CDK1: variants seen among roughly 807,000 people sequenced by gnomAD.
CDK1 encodes the protein cyclin-dependent kinase 1.
In CDK1, 5 loss-of-function variants were observed where a neutral mutation model predicts 34.6. That is an observed-to-expected ratio of 0.14 (90% CI 0.08 to 0.30). The LOEUF is 0.30. CDK1 is among the 10% of genes least tolerant of loss of function. The pLI is 1.00. For missense variants in CDK1, 157 were observed against 345.7 expected (o/e 0.45, Z 4.33); for synonymous variants, 108 against 114.7 (o/e 0.94, Z 0.37).
rs1039610359 is a variant in CDK1, at chr10:60,781,030, G to A, written c.37+828G>A. 4.0e-5 allele frequency among the ~76,000 whole-genome samples: 6 copies of A among 150,554 alleles called. No homozygotes were observed. In the East Asian group the frequency reaches 1.2e-3, roughly 29 times the overall value. On this transcript the variant is annotated intron_variant, in intron 2 of 7. Coordinates refer to ENST00000395284, the MANE Select transcript of CDK1 (RefSeq NM_001786.5). The stretch of plus-strand genomic sequence containing the variant: ...AAGTTAGTGTGGTGTTCGATTGGAG[G>A]TGTGTGTGTGTATACATATATATAT...
intron 3 of CDK1, 31 bp from the exon 4 acceptor site, chr10:60,785,633 G>T (rs778987482): frequency 7.1e-7 from 1 of 1,404,322 alleles, no homozygotes; most frequent in South Asian, 1.3e-5. Context: ...ATGTTTGCTG[G>T]ATTCTTCTCT....
At chr10:60,784,653 G>T in intron 2 of CDK1, 52 bp from the exon 3 acceptor site, 1 of 1,432,288 alleles carries the variant, frequency 7.0e-7, no homozygotes, top group Non-Finnish European at 9.6e-7. Flanking sequence ...AAGAAAAAAA[G>T]ATCTTTAGTT....
chr10:60,793,027 T>A (rs979617689), intron 7 of CDK1, among the ~76,000 whole-genome samples: 1 of 152,076 alleles, frequency 6.6e-6, no homozygotes, highest in African/African-American at 2.4e-5. Context: ...GCCAAATGTC[T>A]CCTGATGGGC....
chr10:60,792,148 A>C lies in CDK1; in HGVS notation c.654A>C (p.Arg218Ser). The C allele has an allele frequency of 6.2e-7, 1 of 1,602,538 alleles. No individual in the cohort carries two copies. The highest frequency in any genetic ancestry group is 8.5e-7 in the Non-Finnish European group (1 of 1,176,326). ...SEIDQLFRIF[R>S]ALGTPNNEVW... is the part of the protein sequence containing the mutation. ...AAATTTTTAATTTCCTGTTTTTTAGAGCTTTGGGCACTCCCAATAATGAAG... is the reference window on the plus strand; with the variant it reads ...AAATTTTTAATTTCCTGTTTTTTAGCGCTTTGGGCACTCCCAATAATGAAG... Residue 218 changes from arginine (R) to serine (S), a missense_variant and splice_region_variant, in exon 7 of 8, where the codon AGA becomes AGC. Arg to Ser is a moderately radical substitution (Grantham distance 110). This residue lies in a region of CDK1 where 102 missense variants were observed against 233.6 expected (regional missense o/e 0.44). Coordinates refer to ENST00000395284, the MANE Select transcript of CDK1 (RefSeq NM_001786.5).
In CDK1 at chr10:60,792,238, C is replaced by T. The variant is rs1441407553; in HGVS notation, c.744C>T (p.Ser248=). 2.0e-5 allele frequency: 32 copies of T among 1,612,414 alleles called. No individual in the cohort carries two copies. The highest frequency in any genetic ancestry group is 2.5e-5 in the Non-Finnish European group (30 of 1,179,338). ...CATTTCCCAAATGGAAACCAGGAAGCCTAGCATCCCATGTCAAAAACTTGG... is the reference window on the plus strand; with the variant it reads ...CATTTCCCAAATGGAAACCAGGAAGTCTAGCATCCCATGTCAAAAACTTGG... ...KNTFPKWKPG[S]LASHVKNLDE... The change falls in exon 7 of 8, where the codon AGC becomes AGT. Residue 248 remains serine, a synonymous_variant. Transcript: ENST00000395284.
At chr10:60,787,962 A>C (rs932412226) in intron 4 of CDK1, 98 bp from the exon 5 acceptor site, 4 of 655,014 alleles carry the variant, frequency 6.1e-6, no homozygotes, top group African/African-American at 1.8e-5. Context: ...CTAGTAATTA[A>C]ATTATTTCTC....
At chr10:60,793,168 CATT>C in intron 7 of CDK1, among the ~76,000 whole-genome samples, 1 of 152,158 alleles carries the variant, frequency 6.6e-6, no homozygotes, top group South Asian at 2.1e-4. Context: ...TGTAAAATGA[CATT>C]AATACCTACT....
intron 4 of CDK1, chr10:60,786,429 G>C (rs1419885013): frequency 2.9e-6 from 2 of 695,144 alleles, no homozygotes; most frequent in Non-Finnish European, 3.5e-6. Flanking sequence ...ATCTACCTAT[G>C]TCTATTTACA....
chr10:60,785,647 A>G lies in CDK1; in HGVS notation c.195-17A>G, dbSNP rs758106128. On this transcript the variant is annotated splice_polypyrimidine_tract_variant and intron_variant, in intron 3 of 7. Transcript: ENST00000395284. ...AATGTTTGCTGGATTCTTCTCTCAT[A>G]TATTTTTTTTCCCCAGTCTTCAGGA... 44 of 1,514,184 alleles carry G rather than the reference A, an allele frequency of 2.9e-5. 1 individual carries two copies. Among genetic ancestry groups the G allele is most frequent in the Admixed American group, 1.6e-4 (9 of 55,344 alleles). 93.8% of individuals were successfully genotyped at this position (1,514,184 alleles called of 1,614,324 possible).
chr10:60,778,640 CG>C (rs1366315419), intron 1 of CDK1, 70 bp downstream of exon 1: 1 of 152,450 alleles, frequency 6.6e-6, no homozygotes, highest in Non-Finnish European at 1.5e-5. Context: ...TATTGAGGAA[CG>C]GGGTCCTCTA....
intron 7 of CDK1, 41 bp downstream of exon 7, chr10:60,792,330 A>G: frequency 6.5e-7 from 1 of 1,531,566 alleles, no homozygotes; most frequent in East Asian, 2.2e-5. Flanking sequence ...ATTATTGATG[A>G]TTCTGAATAT....
intron 5 of CDK1, among the ~76,000 whole-genome samples, chr10:60,790,681 C>A (rs2080353672): frequency 6.6e-6 from 1 of 152,046 alleles, no homozygotes; most frequent in Non-Finnish European, 1.5e-5. Context: ...CTTATTTAAT[C>A]CATTTTGAGT....
Position 60,784,780 on chromosome 10 carries a change from A to C in CDK1, c.113A>C (p.Glu38Ala). ...GTAGCCATGAAAAAAATCAGACTAGAAAGTGAAGAGGAAGGGGTTCCTAGT... is the reference window on the plus strand; with the variant it reads ...GTAGCCATGAAAAAAATCAGACTAGCAAGTGAAGAGGAAGGGGTTCCTAGT... ...QVVAMKKIRLESEEEGVPSTA... is the reference protein window; with the variant it reads ...QVVAMKKIRLASEEEGVPSTA... The change falls in exon 3 of 8, where the codon GAA (glutamate) becomes GCA (alanine). Residue 38 changes from glutamate (E) to alanine (A), a missense_variant. Glu to Ala is a moderately radical substitution (Grantham distance 107). Transcript: ENST00000395284. The C allele has an allele frequency of 6.2e-7, 1 of 1,613,114 alleles. No individual in the cohort carries two copies. The highest frequency in any genetic ancestry group is 8.5e-7 in the Non-Finnish European group (1 of 1,179,054).
intron 2 of CDK1, among the ~76,000 whole-genome samples, chr10:60,783,869 C>CTT (rs78907783): frequency 0.1 from 15,974 of 152,140 alleles, 915 homozygotes; most frequent in South Asian, 0.14. Flanking sequence ...ATACAATGTG[C>CTT]TTTATTAGGT....
Position 60,787,126 on chromosome 10 carries a change from T to TA in CDK1, c.319-933dup, listed in dbSNP as rs374030861. 6.0e-4 allele frequency: 571 copies of TA among 950,696 alleles called. 3 individuals are homozygous for TA. In the African/African-American group the frequency reaches 9.5e-3, roughly 16 times the overall value. 58.9% of individuals were successfully genotyped at this position (950,696 alleles called of 1,614,324 possible). Reference sequence around the variant, plus strand: ...ATGTACAGGCAACAATGGTTTTACTTACAATTTTTCAGTTTTACAATGAAG... The same window carrying TA: ...ATGTACAGGCAACAATGGTTTTACTTAACAATTTTTCAGTTTTACAATGAAG... On this transcript the variant is annotated intron_variant, in intron 4 of 7. Coordinates refer to ENST00000395284, the MANE Select transcript of CDK1 (RefSeq NM_001786.5).
intron 5 of CDK1, among the ~76,000 whole-genome samples, 153 bp from the exon 6 acceptor site, chr10:60,791,737 C>T (rs956615725): frequency 6.6e-6 from 1 of 152,116 alleles, no homozygotes; most frequent in African/African-American, 2.4e-5. Context: ...AAATATTTAT[C>T]TTCAATTTTG....
chr10:60,792,657 A>C (rs1363665827), intron 7 of CDK1, among the ~76,000 whole-genome samples: 1 of 151,884 alleles, frequency 6.6e-6, no homozygotes, highest in African/African-American at 2.4e-5. Context: ...TTGATATTTT[A>C]AATTATTAAA....
intron 2 of CDK1, among the ~76,000 whole-genome samples, chr10:60,780,694 A>G (rs2080265693): frequency 6.6e-6 from 1 of 152,158 alleles, no homozygotes; most frequent in African/African-American, 2.4e-5. Flanking sequence ...CCTGTCATAT[A>G]GACATGTTTA....
At chr10:60,783,657 C>T (rs2080291174) in intron 2 of CDK1, 1 of 152,136 alleles carries the variant, frequency 6.6e-6, no homozygotes, top group African/African-American at 2.4e-5. Flanking sequence ...TTTAAAAAGA[C>T]TTATCTAGGG....
Sources: gnomAD v4.1 joint callset for allele counts (sites outside exome capture counted in the v4.1 genomes callset) on GRCh38, gnomAD v4.1.1 for gene constraint, gnomAD v4.1.1 regional missense constraint, MANE v1.5 for transcripts, NCBI Gene and HGNC (gene_info 2026-07-23, HGNC 2026-07-21) for gene names.